CLIP1: variants seen among roughly 807,000 people sequenced by gnomAD.
CLIP1 encodes CAP-Gly domain containing linker protein 1.
Under a neutral mutation model 161.6 loss-of-function variants are expected in CLIP1, and 66 were observed. That is an observed-to-expected ratio of 0.41 (90% CI 0.33 to 0.50). CLIP1 has a LOEUF of 0.50. Among genes scored for constraint, CLIP1 ranks in the 20% least tolerant of loss-of-function variants. CLIP1 has a pLI of 0.27. For missense variants in CLIP1, 1,376 were observed against 1,702.0 expected, an observed-to-expected ratio of 0.81 and a Z score of 3.37; for synonymous variants, 598 against 626.2, an observed-to-expected ratio of 0.96 and a Z score of 0.67.
chr12:122,279,115 T>A lies in CLIP1; in HGVS notation c.3678A>T (p.Glu1226Asp), dbSNP rs1379994602. ...TGGATTTCTGCAAGGAAGCTTTCTC[T>A]TCATCTGCGTCTTTTATGAACTTGG... is the stretch of plus-strand genomic sequence containing the variant. ...RESKFIKDADEEKASLQKSIS... is the reference protein window; with the variant it reads ...RESKFIKDADDEKASLQKSIS... The change falls in exon 22 of 26, where the codon GAA (glutamate) becomes GAT (aspartate). Residue 1226 changes from glutamate to aspartate, a missense_variant. Coordinates refer to ENST00000620786, the MANE Select transcript of CLIP1 (RefSeq NM_001247997.2). The surrounding 1 kb of genome is among the most constrained non-coding windows in gnomAD (Gnocchi z 4.5). 1 of 1,612,150 alleles carries A rather than the reference T, an allele frequency of 6.2e-7. No individual in the cohort carries two copies. The highest frequency in any genetic ancestry group is 1.3e-5 in the African/African-American group (1 of 74,810).
chr12:122,391,265 G>T (rs1243240481), intron 1 of CLIP1, among the ~76,000 whole-genome samples: 1 of 151,906 alleles, frequency 6.6e-6, no homozygotes, highest in Non-Finnish European at 1.5e-5. Context: ...TCCAGCCCGG[G>T]TGACAAAGCA....
chr12:122,350,843 C>T (rs899677641), intron 9 of CLIP1, among the ~76,000 whole-genome samples: 1 of 151,884 alleles, frequency 6.6e-6, no homozygotes, highest in Non-Finnish European at 1.5e-5. Flanking sequence ...AGACAAAAAA[C>T]ATTTTTCCCC....
chr12:122,317,475 C>T (rs1951315116), intron 18 of CLIP1, among the ~76,000 whole-genome samples: 1 of 152,048 alleles, frequency 6.6e-6, no homozygotes, highest in Admixed American at 6.6e-5. Context: ...GGGGATGCAG[C>T]CAGCTGAGGG....
rs1241403521 is a variant in CLIP1, at chr12:122,278,054, A to G, written c.3966+100T>C. On this transcript the variant is annotated intron_variant, in intron 24 of 25. Coordinates refer to ENST00000620786, the MANE Select transcript of CLIP1 (RefSeq NM_001247997.2). ...GAATGCATTACCAATTCAAAAGACT[A>G]AATGATACAAAAGGCATCAAATGAG... 30 of 1,051,160 alleles carry G rather than the reference A, an allele frequency of 2.9e-5. No individual in the cohort carries two copies. The Admixed American group carries it at 6.0e-4, about 21-fold the overall frequency. The allele number at this position is 1,051,160 out of a possible 1,614,324, so 65.1% of individuals were successfully genotyped here. A position where few individuals can be genotyped will look rare whatever the true frequency, so the allele number is the denominator to read the frequency against.
intron 21 of CLIP1, among the ~76,000 whole-genome samples, chr12:122,283,167 TCAGGCTTCAGAGGCA>T (rs1474755761): frequency 6.6e-6 from 1 of 152,172 alleles, no homozygotes; most frequent in African/African-American, 2.4e-5. Context: ...CAAATCTGCA[TCAGGCTTCAGAGGCA>T]CAGATGAACA....
At chr12:122,371,775 G>A (rs1954464047) in intron 3 of CLIP1, among the ~76,000 whole-genome samples, 1 of 152,138 alleles carries the variant, frequency 6.6e-6, no homozygotes, top group African/African-American at 2.4e-5. Context: ...AGGAAAACTG[G>A]GGAACCCTCT....
chr12:122,346,527 G>A (rs1206662750), intron 10 of CLIP1, among the ~76,000 whole-genome samples: 1 of 152,046 alleles, frequency 6.6e-6, no homozygotes, highest in Non-Finnish European at 1.5e-5. Flanking sequence ...TTTCCAGACA[G>A]AGTCTCACTC....
At chr12:122,411,236 C>T (rs148608307) in intron 1 of CLIP1, among the ~76,000 whole-genome samples, 11 of 152,016 alleles carry the variant, frequency 7.2e-5, no homozygotes, top group East Asian at 1.9e-4. Flanking sequence ...GGCAACATGG[C>T]GAAACCCTGT....
chr12:122,388,129 T>C (rs1258151660), intron 1 of CLIP1, among the ~76,000 whole-genome samples: 1 of 152,042 alleles, frequency 6.6e-6, no homozygotes, highest in Non-Finnish European at 1.5e-5. Context: ...ACAGCAGAGG[T>C]TCTCAAAATG....
intron 20 of CLIP1, among the ~76,000 whole-genome samples, chr12:122,308,057 C>T (rs1950935917): frequency 6.6e-6 from 1 of 152,194 alleles, no homozygotes; most frequent in Non-Finnish European, 1.5e-5. Context: ...CAGTAGGAAG[C>T]TAATTGAAAT....
At chr12:122,395,624 A>C (rs967156849) in intron 1 of CLIP1, 2 of 152,174 alleles carry the variant, frequency 1.3e-5, no homozygotes, top group African/African-American at 4.8e-5. Flanking sequence ...AGCAGCATCT[A>C]ATCTCAGTTT....
At position 122,413,832 on chromosome 12, in the gene CLIP1, AGT is replaced by A. The variant is rs1403938690; in HGVS notation, c.-107+8687_-107+8688del. Among the ~76,000 whole-genome samples the A allele has an allele frequency of 2.0e-5, 3 of 152,104 alleles. No individual in the cohort carries two copies. In the East Asian group the frequency reaches 5.8e-4, roughly 29 times the overall value. On this transcript the variant is annotated intron_variant, in intron 1 of 25. Transcript: ENST00000620786. ...TAGACCCACCCATTGAGTTAGTGCT[AGT>A]GGAATATGTCCTTCTGGAAGTGCCA... is the stretch of plus-strand genomic sequence containing the variant.
At chr12:122,388,221 AT>A (rs202147907) in intron 1 of CLIP1, among the ~76,000 whole-genome samples, 14,636 of 143,030 alleles carry the variant, frequency 0.1, 1,060 homozygotes, top group East Asian at 0.43. Context: ...TAGGCCAGCT[AT>A]TTTTTTTTTT....
chr12:122,317,419 G>C (rs1951312904), intron 18 of CLIP1, among the ~76,000 whole-genome samples: 1 of 152,124 alleles, frequency 6.6e-6, no homozygotes, highest in Admixed American at 6.6e-5. Flanking sequence ...GCCATGTCGT[G>C]GGACTGAAGG....
Position 122,274,043 on chromosome 12 carries a change from A to G in CLIP1, c.4086T>C (p.Tyr1362=), listed in dbSNP as rs1236859461. 29 of 1,613,518 alleles carry G rather than the reference A, an allele frequency of 1.8e-5. No homozygotes were observed. Among genetic ancestry groups the G allele is most frequent in the Non-Finnish European group, 2.5e-5 (29 of 1,179,740 alleles). The change falls in exon 25 of 26, where the codon TAT becomes TAC. Residue 1362 remains tyrosine (Y), a synonymous_variant. Coordinates refer to ENST00000620786, the MANE Select transcript of CLIP1 (RefSeq NM_001247997.2). ...TATGTCTTCATATGAAATACCTGTC[A>G]TAATTGTTTAGGTCATCCCCGTTCC... ...LNGNGDDLNN[Y]DSDDQEKQSK... is the part of the protein sequence containing the mutation.
chr12:122,314,092 T>C lies in CLIP1; in HGVS notation c.3473+2657A>G, dbSNP rs578121985. Among the ~76,000 whole-genome samples the C allele has an allele frequency of 4.0e-5, 6 of 151,684 alleles. No homozygotes were observed. The East Asian group carries it at 1.2e-3, about 29-fold the overall frequency. ...CGGATCACAAGGTCAGGCGTTCGAGTACAGCCTGGCGAATATGGTGAAACC... is the reference window on the plus strand; with the variant it reads ...CGGATCACAAGGTCAGGCGTTCGAGCACAGCCTGGCGAATATGGTGAAACC... On this transcript the variant is annotated intron_variant, in intron 19 of 25. Coordinates refer to ENST00000620786, the MANE Select transcript of CLIP1 (RefSeq NM_001247997.2).
rs1955242835 is a variant in CLIP1 at position 122,273,166 on chromosome 12, C to CA, written c.4092-67dup. On this transcript the variant is annotated intron_variant, in intron 25 of 25. Coordinates refer to ENST00000620786, the MANE Select transcript of CLIP1 (RefSeq NM_001247997.2). ...GAAACTGAAGAGACAAGAACACTTG[C>CA]AAAAAATTTAAAAATTAAGCAAGAA... The CA allele has an allele frequency of 2.4e-5, 34 of 1,397,302 alleles. No homozygotes were observed. In the South Asian group the frequency reaches 4.3e-4, roughly 18 times the overall value. 86.6% of individuals were successfully genotyped at this position (1,397,302 alleles called of 1,614,324 possible). A position where few individuals can be genotyped will look rare whatever the true frequency, so the allele number is the denominator to read the frequency against.
intron 20 of CLIP1, among the ~76,000 whole-genome samples, chr12:122,292,182 T>A (rs1360560619): frequency 2.6e-5 from 4 of 151,466 alleles, no homozygotes; most frequent in South Asian, 2.1e-4. Flanking sequence ...TTTTTTTTTT[T>A]AGTAGAGATG....
chr12:122,346,857 G>A (rs1041450325), intron 10 of CLIP1, among the ~76,000 whole-genome samples: 1 of 152,134 alleles, frequency 6.6e-6, no homozygotes, highest in Non-Finnish European at 1.5e-5. Context: ...GCAGAGATCA[G>A]CCTTCCAAGA....
Sources: gnomAD v4.1 joint callset for allele counts (sites outside exome capture counted in the v4.1 genomes callset) on GRCh38, gnomAD v4.1.1 for gene constraint, Gnocchi (gnomAD v3.1) non-coding constraint, MANE v1.5 for transcripts, NCBI Gene and HGNC (gene_info 2026-07-23, HGNC 2026-07-21) for gene names.